Variants in NETO1 observed in about 807,000 individuals in gnomAD.
The protein encoded by NETO1 is neuropilin and tolloid like 1, also known as neuropilin and tolloid-like protein 1.
Under a neutral mutation model 61.3 loss-of-function variants are expected in NETO1, and 26 were observed. The observed-to-expected ratio is 0.42, with a 90% CI of 0.31 to 0.59. NETO1 has a LOEUF of 0.59. Ranked by LOEUF, NETO1 falls within the 20% of genes least tolerant of loss-of-function variation. The pLI, the probability that NETO1 is intolerant of heterozygous loss-of-function variation, is 0.12. For missense variants in NETO1, 531 were observed against 662.8 expected (o/e 0.80, Z 2.18); for synonymous variants, 225 against 225.8 (o/e 1.00, Z 0.03).
chr18:72,845,811 CAT>C (rs1169211292), intron 4 of NETO1, among the ~76,000 whole-genome samples: 6 of 151,926 alleles, frequency 3.9e-5, no homozygotes, highest in East Asian at 1.9e-4. Context: ...GAGCAAATCA[CAT>C]GTTTATAATC....
chr18:72,801,726 T>A lies in NETO1; in HGVS notation c.470-7322A>T, dbSNP rs143222180. Among the ~76,000 whole-genome samples the A allele has an allele frequency of 7.0e-4, 107 of 152,326 alleles. No homozygotes were observed. In the East Asian group the frequency reaches 9.3e-3, roughly 13 times the overall value. ...TATGTTTGCTGCTTTATTTTGTAAA[T>A]CTATTTACTTATCTATCTAATTTGA... On this transcript the variant is annotated intron_variant, in intron 4 of 10. Coordinates refer to ENST00000327305, the MANE Select transcript of NETO1 (RefSeq NM_138966.5).
chr18:72,772,825 C>CTATATATATATA (rs59339805), intron 7 of NETO1, among the ~76,000 whole-genome samples: 6 of 40,852 alleles, frequency 1.5e-4, no homozygotes, highest in African/African-American at 2.2e-4. Flanking sequence ...CTCTCTCTCT[C>CTATATATATATA]TATATATATA....
intron 6 of NETO1, among the ~76,000 whole-genome samples, chr18:72,786,240 T>A (rs2071912847): frequency 6.6e-6 from 1 of 152,182 alleles, no homozygotes; most frequent in East Asian, 1.9e-4. Context: ...TATGCAATAA[T>A]TCTCAGAACA....
intron 4 of NETO1, among the ~76,000 whole-genome samples, chr18:72,833,571 A>G (rs2073647688): frequency 6.6e-6 from 1 of 152,106 alleles, no homozygotes; most frequent in Non-Finnish European, 1.5e-5. Context: ...GTCTCTCACT[A>G]ACTCCCTGTT....
intron 7 of NETO1, among the ~76,000 whole-genome samples, chr18:72,770,736 G>T (rs949255801): frequency 1.3e-5 from 2 of 152,114 alleles, no homozygotes; most frequent in African/African-American, 4.8e-5. Flanking sequence ...TTTTCGTGGT[G>T]AAATATATAG....
intron 6 of NETO1, among the ~76,000 whole-genome samples, chr18:72,791,064 T>A (rs527386718): frequency 9.2e-5 from 14 of 152,306 alleles, no homozygotes; most frequent in Non-Finnish European, 2.1e-4. Context: ...AGTTTATTCA[T>A]CTTTTAAATG....
intron 4 of NETO1, among the ~76,000 whole-genome samples, chr18:72,843,759 G>A (rs76578001): frequency 0.024 from 3,584 of 152,184 alleles, 146 homozygotes; most frequent in African/African-American, 0.081. Context: ...AATATAAAGC[G>A]TATTTTTAGG....
At chr18:72,785,886 C>T (rs2071898660) in intron 6 of NETO1, among the ~76,000 whole-genome samples, 1 of 152,156 alleles carries the variant, frequency 6.6e-6, no homozygotes, top group Non-Finnish European at 1.5e-5. Context: ...TTTCACTGCT[C>T]CCACTCCCCA....
intron 4 of NETO1, among the ~76,000 whole-genome samples, chr18:72,810,344 G>A (rs1053176861): frequency 2.0e-5 from 3 of 152,138 alleles, no homozygotes; most frequent in Non-Finnish European, 2.9e-5. Flanking sequence ...GCTAGTTTGG[G>A]ACCACATTCT....
chr18:72,835,286 T>G (rs774646235), intron 4 of NETO1: 9 of 1,584,726 alleles, frequency 5.7e-6, no homozygotes. Context: ...CACGAAACAC[T>G]CTGTAGATCC....
Position 72,822,450 on chromosome 18 carries a change from C to T in NETO1, c.470-28046G>A, listed in dbSNP as rs1011523738. Among the ~76,000 whole-genome samples the T allele has an allele frequency of 3.3e-5, 5 of 152,306 alleles. No homozygotes were observed. The East Asian group carries it at 5.8e-4, about 18-fold the overall frequency. On this transcript the variant is annotated intron_variant, in intron 4 of 10. Coordinates refer to ENST00000327305, the MANE Select transcript of NETO1 (RefSeq NM_138966.5). ...GAGCACCGCCACCGTCCCGTCCCCC[C>T]GCAGGACGTGGGGAGGCGGAGCAGG...
At chr18:72,763,133 T>G (rs944798711) in intron 7 of NETO1, among the ~76,000 whole-genome samples, 5 of 61,218 alleles carry the variant, frequency 8.2e-5, no homozygotes, top group Admixed American at 1.6e-4. Context: ...TTAGATTTCG[T>G]TTTTTTTTTT....
chr18:72,754,282 C>T (rs1307149449), intron 8 of NETO1, among the ~76,000 whole-genome samples: 1 of 151,954 alleles, frequency 6.6e-6, no homozygotes. Flanking sequence ...AGAAAAAATA[C>T]ATGAGACATT....
intron 7 of NETO1, among the ~76,000 whole-genome samples, chr18:72,769,685 T>G (rs2071283694): frequency 6.6e-6 from 1 of 152,184 alleles, no homozygotes; most frequent in Non-Finnish European, 1.5e-5. Context: ...ACATATATAA[T>G]AGATGACATG....
intron 7 of NETO1, among the ~76,000 whole-genome samples, chr18:72,763,993 A>C (rs1315703628): frequency 6.6e-6 from 1 of 152,006 alleles, no homozygotes; most frequent in African/African-American, 2.4e-5. Flanking sequence ...GAAGGGGGAA[A>C]CCCCTTATAA....
At chr18:72,821,922 G>A (rs564325310) in intron 4 of NETO1, among the ~76,000 whole-genome samples, 2 of 152,172 alleles carry the variant, frequency 1.3e-5, no homozygotes, top group Admixed American at 1.3e-4. Context: ...ACTCAACTGG[G>A]TTACAGACTT....
chr18:72,755,895 A>G, intron 8 of NETO1, 139 bp downstream of exon 8: 2 of 515,284 alleles, frequency 3.9e-6, no homozygotes, highest in East Asian at 6.0e-5. Flanking sequence ...ACGCTTACAA[A>G]TCAATTATAA....
At position 72,807,714 on chromosome 18, in the gene NETO1, GAACACACA is replaced by G. The variant is rs780708624; in HGVS notation, c.470-13318_470-13311del. On this transcript the variant is annotated intron_variant, in intron 4 of 10. Transcript: ENST00000327305. ...GGCAGAAACAGAACAATGAAGACAA[GAACACACA>G]CACACACACACACACACACACACAC... 1.8e-4 allele frequency among the ~76,000 whole-genome samples: 14 copies of G among 77,098 alleles called. 1 individual carries two copies. In the Admixed American group the frequency reaches 2.7e-3, roughly 15 times the overall value. 50.6% of individuals were successfully genotyped at this position (77,098 alleles called of 152,430 possible).
intron 7 of NETO1, among the ~76,000 whole-genome samples, chr18:72,782,291 C>T (rs567602856): frequency 6.6e-6 from 1 of 152,060 alleles, no homozygotes; most frequent in Non-Finnish European, 1.5e-5. Context: ...ACTATGGGAA[C>T]AGTTTGGGGA....
Sources: allele counts gnomAD v4.1 joint callset (sites outside exome capture counted in the v4.1 genomes callset), GRCh38; gene constraint gnomAD v4.1.1; transcripts MANE v1.5; gene names NCBI Gene and HGNC (gene_info 2026-07-23, HGNC 2026-07-21).